INPP5A: variants seen among roughly 807,000 people sequenced by gnomAD.
INPP5A encodes 43 kDa inositol polyphosphate 5-phophatase.
A neutral mutation model predicts 65.2 loss-of-function variants in INPP5A; 14 were observed. That is an observed-to-expected ratio of 0.21 (90% CI 0.14 to 0.34). The LOEUF (loss-of-function observed/expected upper bound fraction) is 0.34, where lower values mean the gene tolerates loss of function less well. INPP5A is among the 10% of genes least tolerant of loss of function. The pLI is 1.00. For missense variants in INPP5A, 431 were observed against 545.6 expected (o/e 0.79, Z 2.09); for synonymous variants, 207 against 208.3 (o/e 0.99, Z 0.05).
rs538823373 is a variant in INPP5A, at chr10:132,769,800, T to TC, written c.977+3964dup. ...AGCCCTGCAGCCCCCACCCCGTAGC[T>TC]CCCCCCCCCCAAGTTCCTGATACGT... On this transcript the variant is annotated intron_variant, in intron 12 of 15. Transcript: ENST00000368594. Among the ~76,000 whole-genome samples the TC allele has an allele frequency of 9.1e-3, 951 of 104,758 alleles. 6 individuals are homozygous for TC. The highest frequency in any genetic ancestry group is 0.026 in the African/African-American group (712 of 27,172). 68.7% of individuals were successfully genotyped at this position (104,758 alleles called of 152,430 possible).
At chr10:132,692,471 G>T (rs1845283615) in intron 5 of INPP5A, among the ~76,000 whole-genome samples, 1 of 152,158 alleles carries the variant, frequency 6.6e-6, no homozygotes, top group Non-Finnish European at 1.5e-5. Flanking sequence ...ATAAATGCCA[G>T]AAAGTCAACC....
Position 132,580,829 on chromosome 10 carries a change from G to A in INPP5A, c.76-27086G>A, listed in dbSNP as rs140169853. 5.9e-5 allele frequency among the ~76,000 whole-genome samples: 9 copies of A among 152,316 alleles called. No homozygotes were observed. In the East Asian group the frequency reaches 1.7e-3, roughly 29 times the overall value. On this transcript the variant is annotated intron_variant, in intron 1 of 15. Coordinates refer to ENST00000368594, the MANE Select transcript of INPP5A (RefSeq NM_005539.5). ...ATTTCCAGGTAAATTGCTGACATCA[G>A]CATACTTCCCCCAAATGCTTCTGTG...
intron 8 of INPP5A, among the ~76,000 whole-genome samples, chr10:132,712,134 A>G (rs1845647612): frequency 6.6e-6 from 1 of 152,242 alleles, no homozygotes; most frequent in Non-Finnish European, 1.5e-5. Flanking sequence ...TATGAAGGAG[A>G]ACAGCAGCCA....
chr10:132,650,005 T>C lies in INPP5A; in HGVS notation c.219-413T>C, dbSNP rs1590894554. Among the ~76,000 whole-genome samples the C allele has an allele frequency of 6.6e-6, 1 of 152,128 alleles. No individual in the cohort carries two copies. The highest frequency in any genetic ancestry group is 1.9e-4 in the East Asian group (1 of 5,190). ...GGACAGAACTACCTGGGCCCTGGGG[T>C]GCATGTGCCCCAACCTGTGTGTGCT... On this transcript the variant is annotated intron_variant, in intron 3 of 15. Transcript: ENST00000368594. The surrounding 1 kb of genome is among the most constrained non-coding windows in gnomAD (Gnocchi z 5.5).
rs1845549293 is a variant in INPP5A at position 132,707,156 on chromosome 10, C to T, written c.475-1157C>T. Among the ~76,000 whole-genome samples the T allele has an allele frequency of 6.6e-6, 1 of 152,202 alleles. No individual in the cohort carries two copies. The highest frequency in any genetic ancestry group is 2.1e-4 in the South Asian group (1 of 4,826). On this transcript the variant is annotated intron_variant, in intron 6 of 15. Transcript: ENST00000368594. The surrounding 1 kb of genome is among the most constrained non-coding windows in gnomAD (Gnocchi z 5.5). ...AGATTCCCATCTGCTTTCATCTCCT[C>T]AGCAGACCTTAGGGTGTGGTGGAGG... is the stretch of plus-strand genomic sequence containing the variant.
At position 132,644,038 on chromosome 10, in the gene INPP5A, C is replaced by T. The variant is rs2072460979; in HGVS notation, c.118-1830C>T. Reference sequence around the variant, plus strand: ...CATCAAGACAGCTGGAACCAGACCACCGGAAACACTCAGACCACCGGCACC... The same window carrying T: ...CATCAAGACAGCTGGAACCAGACCATCGGAAACACTCAGACCACCGGCACC... On this transcript the variant is annotated intron_variant, in intron 2 of 15. Transcript: ENST00000368594. This position sits in a 1 kb window ranked among gnomAD's most constrained non-coding sequence, Gnocchi z 6.5. Among the ~76,000 whole-genome samples, 3 of 152,030 alleles carry T rather than the reference C, an allele frequency of 2.0e-5. No individual in the cohort carries two copies. Among genetic ancestry groups the T allele is most frequent in the Admixed American group, 2.0e-4 (3 of 15,266 alleles).
chr10:132,729,806 A>G (rs753451036), intron 9 of INPP5A, among the ~76,000 whole-genome samples: 37 of 152,232 alleles, frequency 2.4e-4, no homozygotes, highest in Non-Finnish European at 4.7e-4. Flanking sequence ...ATCAAACTAC[A>G]GAGGACGGGA....
intron 2 of INPP5A, among the ~76,000 whole-genome samples, chr10:132,615,508 T>A (rs994862847): frequency 2.0e-5 from 3 of 152,068 alleles, no homozygotes; most frequent in Non-Finnish European, 2.9e-5. Context: ...GGCTGCTGGG[T>A]GCGGGGAGGC....
intron 1 of INPP5A, among the ~76,000 whole-genome samples, chr10:132,582,088 C>A (rs954607546): frequency 6.6e-6 from 1 of 152,118 alleles, no homozygotes; most frequent in African/African-American, 2.4e-5. Context: ...ATCTGCCCGT[C>A]TCGGCCTCCC....
chr10:132,767,700 C>T (rs1393229471), intron 12 of INPP5A, among the ~76,000 whole-genome samples: 1 of 152,072 alleles, frequency 6.6e-6, no homozygotes, highest in Non-Finnish European at 1.5e-5. Context: ...CAGTGGCATT[C>T]CAGAAAGATC....
intron 9 of INPP5A, among the ~76,000 whole-genome samples, chr10:132,737,207 C>G (rs1291084575): frequency 6.6e-6 from 1 of 152,218 alleles, no homozygotes; most frequent in African/African-American, 2.4e-5. Flanking sequence ...TGAGCGGACT[C>G]GATGTGGCAA....
chr10:132,615,974 G>T (rs1210841049), intron 2 of INPP5A, among the ~76,000 whole-genome samples: 1 of 152,212 alleles, frequency 6.6e-6, no homozygotes, highest in Non-Finnish European at 1.5e-5. Flanking sequence ...GAGGCCCTGG[G>T]CCTGGGGAAC....
chr10:132,548,973 T>C (rs1346721440), intron 1 of INPP5A, among the ~76,000 whole-genome samples: 2 of 151,984 alleles, frequency 1.3e-5, no homozygotes, highest in Non-Finnish European at 2.9e-5. Context: ...TACAATTTTT[T>C]GTAGGTATGG....
At chr10:132,687,875 G>A (rs967204016) in intron 4 of INPP5A, among the ~76,000 whole-genome samples, 4 of 152,226 alleles carry the variant, frequency 2.6e-5, no homozygotes, top group Admixed American at 6.5e-5. Context: ...CCATGGCGTC[G>A]GTGCACAGGA....
intron 2 of INPP5A, among the ~76,000 whole-genome samples, chr10:132,621,365 C>A (rs1297111822): frequency 2.0e-5 from 3 of 152,138 alleles, no homozygotes; most frequent in Non-Finnish European, 2.9e-5. Context: ...TAAGAATACT[C>A]CTGTGGCACA....
chr10:132,540,261 A>G (rs567654357), intron 1 of INPP5A, among the ~76,000 whole-genome samples: 11 of 151,986 alleles, frequency 7.2e-5, no homozygotes, highest in African/African-American at 2.2e-4. Context: ...TTGTGTTTCA[A>G]TTGTATACAC....
chr10:132,718,684 GT>G (rs1296374291), intron 8 of INPP5A, among the ~76,000 whole-genome samples: 7 of 150,376 alleles, frequency 4.7e-5, no homozygotes, highest in Non-Finnish European at 8.9e-5. Flanking sequence ...TGGTGCCTGG[GT>G]TCTGTCTGAG....
At chr10:132,703,196 C>T (rs146689939) in intron 6 of INPP5A, among the ~76,000 whole-genome samples, 384 of 152,244 alleles carry the variant, frequency 2.5e-3, no homozygotes, top group African/African-American at 7.6e-3. Context: ...ATTGCATCAG[C>T]GAGGACAGAT....
At chr10:132,543,723 A>G (rs1033922959) in intron 1 of INPP5A, among the ~76,000 whole-genome samples, 4 of 152,242 alleles carry the variant, frequency 2.6e-5, no homozygotes, top group Non-Finnish European at 5.9e-5. Context: ...AAGTCTCTTT[A>G]TTCCTGTTTA....
Sources: gnomAD v4.1 joint callset for allele counts (sites outside exome capture counted in the v4.1 genomes callset) on GRCh38, gnomAD v4.1.1 for gene constraint, Gnocchi (gnomAD v3.1) non-coding constraint, MANE v1.5 for transcripts, NCBI Gene and HGNC (gene_info 2026-07-23, HGNC 2026-07-21) for gene names.